UBE2C: variants seen among roughly 807,000 people sequenced by gnomAD.
The protein encoded by UBE2C is ubiquitin-conjugating enzyme E2 C.
A neutral mutation model predicts 23.5 loss-of-function variants in UBE2C; 16 were observed. The ratio of observed to expected loss-of-function variants is 0.68; its 90% CI spans 0.46 to 1.03. The LOEUF is 1.03. Ranked by LOEUF, UBE2C falls within the 50% of genes least tolerant of loss-of-function variation. The probability of loss-of-function intolerance (pLI) is 0.00; values close to 1 mark genes in which losing one functional copy is unlikely to be tolerated. For synonymous variants in UBE2C, 76 were observed against 91.6 expected, an observed-to-expected ratio of 0.83 and a Z score of 0.97; for missense variants, 192 against 227.6, an observed-to-expected ratio of 0.84 and a Z score of 1.01.
intron 1 of UBE2C, 120 bp from the exon 2 acceptor site, chr20:45,813,316 AC>A: frequency 6.3e-7 from 1 of 1,594,530 alleles, no homozygotes; most frequent in African/African-American, 1.4e-5. Context: ...GCTGAGCCTG[AC>A]CTTGGTGATG....
At chr20:45,816,026 G>A (rs1982516680) in intron 5 of UBE2C, 113 bp downstream of exon 5, 3 of 1,129,648 alleles carry the variant, frequency 2.7e-6, no homozygotes, top group Non-Finnish European at 3.8e-6. Flanking sequence ...AGGGTGGAGT[G>A]TCGGCAGCAA....
intron 1 of UBE2C, chr20:45,813,023 G>T (rs760627063): frequency 2.8e-6 from 4 of 1,426,530 alleles, no homozygotes; most frequent in Non-Finnish European, 3.7e-6. Flanking sequence ...TTCGAGAGAT[G>T]GGGGACAGGC....
chr20:45,813,277 G>T, intron 1 of UBE2C, 160 bp from the exon 2 acceptor site: 6 of 1,529,066 alleles, frequency 3.9e-6, no homozygotes, highest in Non-Finnish European at 5.2e-6. Context: ...CGCTAGGATC[G>T]TCCTGTGGAT....
rs375951116 is a variant in UBE2C at position 45,814,854 on chromosome 20, C to T, written c.216+384C>T. Among the ~76,000 whole-genome samples, 54 of 144,454 alleles carry T rather than the reference C, an allele frequency of 3.7e-4. No individual in the cohort carries two copies. The East Asian group carries it at 6.6e-3, about 18-fold the overall frequency. The allele number at this position is 144,454 out of a possible 152,430, so 94.8% of individuals were successfully genotyped here. ...TATTCTTTTTTTTTTTTTTTTGAGACGGAGTCTCGCTCTGTCGCCCAGGCC... is the reference window on the plus strand; with the variant it reads ...TATTCTTTTTTTTTTTTTTTTGAGATGGAGTCTCGCTCTGTCGCCCAGGCC... On this transcript the variant is annotated intron_variant, in intron 3 of 5. Transcript: ENST00000356455.
chr20:45,815,403 T>C (rs200049340), intron 3 of UBE2C, 138 bp from the exon 4 acceptor site: 2 of 1,604,428 alleles, frequency 1.2e-6, no homozygotes, highest in East Asian at 2.2e-5. Context: ...GTGGGGAGCA[T>C]CAGAACCAGC....
Position 45,812,744 on chromosome 20 carries a change from C to A in UBE2C, c.49C>A (p.Arg17Ser). Reference sequence around the variant, plus strand: ...AGCCGCCACTAGCGTCGCCGCCGCCCGTAAAGGAGCTGAGCCGAGCGGGGG... The same window carrying A: ...AGCCGCCACTAGCGTCGCCGCCGCCAGTAAAGGAGCTGAGCCGAGCGGGGG... ...DPAATSVAAA[R>S]KGAEPSGGAA... Residue 17 changes from arginine (R) to serine (S), a missense_variant, in exon 1 of 6, where the codon CGT (arginine) becomes AGT (serine). Coordinates refer to ENST00000356455, the MANE Select transcript of UBE2C (RefSeq NM_007019.4). The A allele has an allele frequency of 6.4e-7, 1 of 1,556,820 alleles. No homozygotes were observed. The highest frequency in any genetic ancestry group is 2.4e-5 in the East Asian group (1 of 41,464).
chr20:45,813,467 G>A lies in UBE2C; in HGVS notation c.129+3G>A, dbSNP rs201428280. The stretch of plus-strand genomic sequence containing the variant: ...AGCAGGAGCTGATGACCCTCATGGT[G>A]AGTGATTAAGTGCCCAGAACCCCAG... On this transcript the variant is annotated splice_donor_region_variant and intron_variant, in intron 2 of 5. Transcript: ENST00000356455. 54 of 1,614,028 alleles carry A rather than the reference G, an allele frequency of 3.3e-5. No individual in the cohort carries two copies. Among genetic ancestry groups the A allele is most frequent in the Non-Finnish European group, 4.1e-5 (48 of 1,180,032 alleles).
chr20:45,815,811 G>C, intron 4 of UBE2C, 43 bp from the exon 5 acceptor site: 1 of 1,613,620 alleles, frequency 6.2e-7, no homozygotes, highest in Non-Finnish European at 8.5e-7. Flanking sequence ...CCTGGGGTCA[G>C]CCTCTTCTAC....
chr20:45,813,564 TG>T (rs1300158513), intron 2 of UBE2C, 100 bp downstream of exon 2: 4 of 1,525,076 alleles, frequency 2.6e-6, no homozygotes. Context: ...TAATGTAATT[TG>T]CTCCCTCCTG....
intron 4 of UBE2C, 39 bp from the exon 5 acceptor site, chr20:45,815,815 C>T (rs1568716366): frequency 6.2e-7 from 1 of 1,613,908 alleles, no homozygotes; most frequent in African/African-American, 1.3e-5. Flanking sequence ...GGGTCAGCCT[C>T]TTCTACCGCC....
chr20:45,816,651 G>A, intron 5 of UBE2C, 58 bp from the exon 6 acceptor site: 3 of 1,515,102 alleles, frequency 2.0e-6, no homozygotes, highest in Admixed American at 1.8e-5. Context: ...ATAATAAATA[G>A]TAAAGATTAA....
At chr20:45,814,303 AT>A in intron 2 of UBE2C, 80 bp from the exon 3 acceptor site, 1 of 547,564 alleles carries the variant, frequency 1.8e-6, no homozygotes, top group Non-Finnish European at 2.9e-6. Context: ...TATATATAAA[AT>A]TAAGGGGAAA....
rs1271204292 is a variant in UBE2C at position 45,812,741 on chromosome 20, G to T, written c.46G>T (p.Ala16Ser). 3.2e-6 allele frequency: 5 copies of T among 1,555,868 alleles called. No homozygotes were observed. The highest frequency in any genetic ancestry group is 1.4e-5 in the African/African-American group (1 of 73,324). Residue 16 changes from alanine to serine, a missense_variant, in exon 1 of 6, where the codon GCC becomes TCC. Physicochemically the swap from Ala to Ser is moderately conservative, Grantham distance 99. Coordinates refer to ENST00000356455, the MANE Select transcript of UBE2C (RefSeq NM_007019.4). Reference protein sequence around the residue: ...RDPAATSVAAARKGAEPSGGA... With the variant: ...RDPAATSVAASRKGAEPSGGA... The stretch of plus-strand genomic sequence containing the variant: ...CCCAGCCGCCACTAGCGTCGCCGCC[G>T]CCCGTAAAGGAGCTGAGCCGAGCGG...
chr20:45,814,154 A>G (rs1415940071), intron 2 of UBE2C, among the ~76,000 whole-genome samples: 1 of 140,408 alleles, frequency 7.1e-6, no homozygotes, highest in Non-Finnish European at 1.5e-5. Context: ...CTCTATATAT[A>G]TATATATGTA....
chr20:45,812,995 C>T (rs538337743), intron 1 of UBE2C, 199 bp downstream of exon 1: 335 of 1,430,532 alleles, frequency 2.3e-4, no homozygotes, highest in South Asian at 9.6e-4. Context: ...GGACTCCCAC[C>T]TCCTTGCGCG....
intron 1 of UBE2C, 33 bp from the exon 2 acceptor site, chr20:45,813,404 A>G (rs770037753): frequency 1.6e-5 from 26 of 1,613,598 alleles, no homozygotes; most frequent in Non-Finnish European, 2.0e-5. Flanking sequence ...GCCCATCCAG[A>G]CTCCCAGGTA....
intron 3 of UBE2C, 149 bp downstream of exon 3, chr20:45,814,619 C>A: frequency 1.8e-6 from 1 of 552,810 alleles, no homozygotes; most frequent in African/African-American, 2.0e-5. Context: ...TGTTCTTTCC[C>A]TCTGTGCAAT....
At chr20:45,814,686 CA>C (rs774417730) in intron 3 of UBE2C, among the ~76,000 whole-genome samples, 131 of 152,292 alleles carry the variant, frequency 8.6e-4, no homozygotes, top group Non-Finnish European at 1.5e-3. Context: ...GGGGGACAGA[CA>C]GCAAGGAAAT....
intron 2 of UBE2C, among the ~76,000 whole-genome samples, 154 bp from the exon 3 acceptor site, chr20:45,814,230 G>A (rs1271097682): frequency 7.0e-6 from 1 of 142,628 alleles, no homozygotes; most frequent in African/African-American, 2.8e-5. Flanking sequence ...ACATATATAT[G>A]TGTGTGTGTA....
Sources: allele counts gnomAD v4.1 joint callset (sites outside exome capture counted in the v4.1 genomes callset), GRCh38; gene constraint gnomAD v4.1.1; transcripts MANE v1.5; gene names NCBI Gene and HGNC (gene_info 2026-07-23, HGNC 2026-07-21).